The following RBM20 variants were observed in gnomAD, a reference collection of about 807,000 sequenced individuals.
The protein encoded by RBM20 is RNA binding motif protein 20.
A neutral mutation model predicts 110.1 loss-of-function variants in RBM20; 51 were observed. The observed-to-expected ratio is 0.46, with a 90% CI of 0.37 to 0.59. The LOEUF (loss-of-function observed/expected upper bound fraction) is 0.59, where lower values mean the gene tolerates loss of function less well. RBM20 is among the 20% of genes least tolerant of loss of function. The pLI is 0.00. For synonymous variants in RBM20, 589 were observed against 618.2 expected (o/e 0.95, Z 0.70); for missense variants, 1,512 against 1,574.9 (o/e 0.96, Z 0.68).
intron 1 of RBM20, among the ~76,000 whole-genome samples, chr10:110,764,037 A>G (rs2056779294): frequency 6.6e-6 from 1 of 152,098 alleles, no homozygotes; most frequent in African/African-American, 2.4e-5. Flanking sequence ...AGAGCAAAGG[A>G]GAACTCACTT....
At chr10:110,675,736 C>A (rs1272503605) in intron 1 of RBM20, among the ~76,000 whole-genome samples, 1 of 152,218 alleles carries the variant, frequency 6.6e-6, no homozygotes, top group Non-Finnish European at 1.5e-5. Context: ...CCTGGGCTCA[C>A]ATTCTGGCTC....
rs1472382798 is a variant in RBM20, at chr10:110,782,005, A to T, written c.1275+121A>T. 4.7e-6 allele frequency: 6 copies of T among 1,266,038 alleles called. No individual in the cohort carries two copies. The African/African-American group carries it at 8.8e-5, about 19-fold the overall frequency. 78.4% of individuals were successfully genotyped at this position (1,266,038 alleles called of 1,614,324 possible). ...TGCATTGGGGTAACAGAATTTTGCC[A>T]TCAGTATTCTTGACTAAAATCACAG... On this transcript the variant is annotated intron_variant, in intron 2 of 13. Coordinates refer to ENST00000369519, the MANE Select transcript of RBM20 (RefSeq NM_001134363.3).
intron 1 of RBM20, among the ~76,000 whole-genome samples, chr10:110,769,509 G>A (rs1188306365): frequency 6.6e-6 from 1 of 152,090 alleles, no homozygotes; most frequent in African/African-American, 2.4e-5. Context: ...TGAACCTTGA[G>A]TGTTTTTATT....
At chr10:110,816,096 C>T (rs1844834114) in intron 9 of RBM20, among the ~76,000 whole-genome samples, 1 of 152,282 alleles carries the variant, frequency 6.6e-6, no homozygotes, top group South Asian at 2.1e-4. Flanking sequence ...TGCTGTTCTT[C>T]CAGTGCACCA....
chr10:110,793,658 C>T (rs1443086209), intron 5 of RBM20, among the ~76,000 whole-genome samples: 1 of 152,208 alleles, frequency 6.6e-6, no homozygotes, highest in Non-Finnish European at 1.5e-5. Context: ...TGATCGTTGG[C>T]TGCCTGTGAT....
At chr10:110,830,868 G>T (rs989242002) in intron 12 of RBM20, among the ~76,000 whole-genome samples, 193 bp from the exon 13 acceptor site, 1 of 152,158 alleles carries the variant, frequency 6.6e-6, no homozygotes, top group Non-Finnish European at 1.5e-5. Flanking sequence ...GAATGAAGTG[G>T]GTGTGAGTCT....
intron 1 of RBM20, among the ~76,000 whole-genome samples, chr10:110,647,876 A>C (rs1378353326): frequency 1.3e-5 from 2 of 152,190 alleles, no homozygotes; most frequent in African/African-American, 4.8e-5. Flanking sequence ...AAACAGAGCC[A>C]CTCAATTCCG....
intron 1 of RBM20, among the ~76,000 whole-genome samples, chr10:110,765,184 T>C (rs1461770361): frequency 6.6e-6 from 1 of 152,208 alleles, no homozygotes; most frequent in Non-Finnish European, 1.5e-5. Flanking sequence ...TCACCAGATC[T>C]GGGAGAATGG....
intron 1 of RBM20, among the ~76,000 whole-genome samples, chr10:110,737,176 T>TAAAAAAAAAAAAAAAAAAAA (rs1843679355): frequency 8.1e-5 from 1 of 12,408 alleles, no homozygotes; most frequent in Non-Finnish European, 1.4e-4. Context: ...AAACTCTGCC[T>TAAAAAAAAAAAAAAAAAAAA]CAAAAAAAAA....
intron 11 of RBM20, 21 bp from the exon 12 acceptor site, chr10:110,823,444 TTTTTTTTTTTTTTTG>T (rs750478975): frequency 3.5e-5 from 15 of 428,896 alleles, no homozygotes; most frequent in East Asian, 1.5e-4. Context: ...TTTTTTTTTT[TTTTTTTTTTTTTTTG>T]CCTTGGTTCA....
At chr10:110,746,999 A>C (rs2134978237) in intron 1 of RBM20, among the ~76,000 whole-genome samples, 1 of 152,282 alleles carries the variant, frequency 6.6e-6, no homozygotes, top group Non-Finnish European at 1.5e-5. Context: ...GTCTGCAAAA[A>C]CTGATAACAT....
At chr10:110,689,873 T>C (rs1179633647) in intron 1 of RBM20, among the ~76,000 whole-genome samples, 1 of 152,208 alleles carries the variant, frequency 6.6e-6, no homozygotes, top group African/African-American at 2.4e-5. Context: ...AGATTCTGGA[T>C]TGCATATATT....
intron 1 of RBM20, among the ~76,000 whole-genome samples, chr10:110,747,048 A>G (rs1189080601): frequency 6.6e-6 from 1 of 152,208 alleles, no homozygotes; most frequent in African/African-American, 2.4e-5. Context: ...GTATTGTGCC[A>G]GTGTCAATTT....
Position 110,799,858 on chromosome 10 carries a change from G to A in RBM20, c.1740G>A (p.Val580=), listed in dbSNP as rs1844599555. The change falls in exon 7 of 14, where the codon GTG becomes GTA. Residue 580 remains valine, a synonymous_variant. Transcript: ENST00000369519. Reference sequence around the variant, plus strand: ...AGTATTATCAAGAAAAATCTGCTGTGATCAATGGTGAGAAGTTGCTCATTC... The same window carrying A: ...AGTATTATCAAGAAAAATCTGCTGTAATCAATGGTGAGAAGTTGCTCATTC... ...MVQYYQEKSA[V]INGEKLLIRM... 6.4e-7 allele frequency: 1 copy of A among 1,551,930 alleles called. No homozygotes were observed. Among genetic ancestry groups the A allele is most frequent in the Admixed American group, 2.0e-5 (1 of 50,984 alleles).
rs76806621 is a variant in RBM20, at chr10:110,831,481, T to C, written c.3573+299T>C. ...CTCCTAGCACATGTCTCTACTTTAA[T>C]ACCTAAAACATCCTGTTTGGGTTGG... On this transcript the variant is annotated intron_variant, in intron 13 of 13. Coordinates refer to ENST00000369519, the MANE Select transcript of RBM20 (RefSeq NM_001134363.3). 2.8e-3 allele frequency: 665 copies of C among 238,648 alleles called. 5 individuals are homozygous for C. Among genetic ancestry groups the C allele is most frequent in the African/African-American group, 0.014 (633 of 45,060 alleles). The allele number at this position is 238,648 out of a possible 1,614,324, so 14.8% of individuals were successfully genotyped here. A position where few individuals can be genotyped will look rare whatever the true frequency, so the allele number is the denominator to read the frequency against.
chr10:110,835,798 C>T (rs971801933), intron 13 of RBM20, 70 bp from the exon 14 acceptor site: 32 of 1,455,034 alleles, frequency 2.2e-5, no homozygotes, highest in Middle Eastern at 3.4e-4. Context: ...GAGGCATGTC[C>T]GCTCCTCTCC....
At chr10:110,719,840 C>T (rs1344595749) in intron 1 of RBM20, among the ~76,000 whole-genome samples, 1 of 152,068 alleles carries the variant, frequency 6.6e-6, no homozygotes, top group Non-Finnish European at 1.5e-5. Flanking sequence ...TAAAGCATTC[C>T]TCCTCCTTCT....
intron 1 of RBM20, among the ~76,000 whole-genome samples, chr10:110,767,775 G>T (rs531461212): frequency 6.6e-6 from 1 of 152,150 alleles, no homozygotes; most frequent in Admixed American, 6.5e-5. Flanking sequence ...TGGGATGGCA[G>T]CCGAGAAGAG....
chr10:110,689,615 G>A (rs2134874106), intron 1 of RBM20, among the ~76,000 whole-genome samples: 1 of 151,612 alleles, frequency 6.6e-6, no homozygotes, highest in Non-Finnish European at 1.5e-5. Flanking sequence ...GTTCTGTGCT[G>A]GTAGTGCGGG....
Sources: gnomAD v4.1 joint callset for allele counts (sites outside exome capture counted in the v4.1 genomes callset) on GRCh38, gnomAD v4.1.1 for gene constraint, MANE v1.5 for transcripts, NCBI Gene and HGNC (gene_info 2026-07-23, HGNC 2026-07-21) for gene names.